TRIM23: variants seen among roughly 807,000 people sequenced by gnomAD.
TRIM23 encodes E3 ubiquitin-protein ligase TRIM23.
In TRIM23, 27 loss-of-function variants were observed where a neutral mutation model predicts 71.0. The ratio of observed to expected loss-of-function variants is 0.38; its 90% CI spans 0.28 to 0.52. TRIM23 has a LOEUF of 0.52. Among genes scored for constraint, TRIM23 ranks in the 20% least tolerant of loss-of-function variants. The pLI is 0.84. For synonymous variants in TRIM23, 234 were observed against 238.0 expected (o/e 0.98, Z 0.16); for missense variants, 482 against 692.3 (o/e 0.70, Z 3.41).
intron 1 of TRIM23, among the ~76,000 whole-genome samples, chr5:65,623,114 T>C (rs1754991385): frequency 6.6e-6 from 1 of 152,236 alleles, no homozygotes; most frequent in Non-Finnish European, 1.5e-5. Context: ...GATACTAAAT[T>C]GTGGGAAGAA....
chr5:65,602,545 C>CCTGCACATTTTTGGGTATCCTTTCAG lies in TRIM23; in HGVS notation c.1179+2340_1179+2365dup, dbSNP rs1172612223. The stretch of plus-strand genomic sequence containing the variant: ...TACCTGTTACCCAGTTCCAAAGTTG[C>CCTGCACATTTTTGGGTATCCTTTCAG]CTGCACATTTTTGGGTATCCTTTCA... On this transcript the variant is annotated intron_variant, in intron 7 of 10. Transcript: ENST00000231524. Among the ~76,000 whole-genome samples, 7 of 152,188 alleles carry CCTGCACATTTTTGGGTATCCTTTCAG rather than the reference C, an allele frequency of 4.6e-5. No individual in the cohort carries two copies. The East Asian group carries it at 1.3e-3, about 29-fold the overall frequency.
rs779001000 is a variant in TRIM23 at position 65,597,138 on chromosome 5, C to T, written c.1222G>A (p.Val408Ile). The T allele has an allele frequency of 3.7e-6, 6 of 1,614,114 alleles. No homozygotes were observed. Among genetic ancestry groups the T allele is most frequent in the South Asian group, 2.2e-5 (2 of 91,082 alleles). ...CCAGCACCATCCAATCCTAACGTAA[C>T]GACCCGAATTTCCATTTTTGGTCCA... is the stretch of plus-strand genomic sequence containing the variant. ...HIGPKMEIRV[V>I]TLGLDGAGKT... Residue 408 changes from valine to isoleucine, a missense_variant, in exon 8 of 11, where the codon GTT (valine) becomes ATT (isoleucine). Val to Ile is a conservative substitution (Grantham distance 29). Around this residue, in one of 2 missense-constraint regions of TRIM23, gnomAD observed 307 missense variants for 495.8 expected, o/e 0.62. Coordinates refer to ENST00000231524, the MANE Select transcript of TRIM23 (RefSeq NM_001656.4).
intron 6 of TRIM23, 147 bp from the exon 7 acceptor site, chr5:65,605,192 T>A: frequency 1.4e-6 from 1 of 732,622 alleles, no homozygotes; most frequent in South Asian, 2.4e-5. Flanking sequence ...AATTGAGCAT[T>A]AATAAATAAT....
chr5:65,597,840 T>C (rs955746232), intron 7 of TRIM23, among the ~76,000 whole-genome samples: 2 of 152,198 alleles, frequency 1.3e-5, no homozygotes, highest in Admixed American at 6.5e-5. Flanking sequence ...TATATATTAC[T>C]AGCTGCATGA....
chr5:65,606,858 A>G (rs1754521279), intron 6 of TRIM23: 1 of 152,238 alleles, frequency 6.6e-6, no homozygotes, highest in Non-Finnish European at 1.5e-5. Context: ...TTTCTAACAT[A>G]TAGTATAATT....
Position 65,610,873 on chromosome 5 carries a change from A to G in TRIM23, c.816T>C (p.Ala272=), listed in dbSNP as rs374310980. The change falls in exon 5 of 11, where the codon GCT becomes GCC. Residue 272 remains alanine (A), a synonymous_variant. Transcript: ENST00000231524. The part of the protein sequence containing the change: ...EQIVEDGIGM[A]HTEHVPGTAE... ...AAAAAATCCATACATGTTCTGTGTG[A>G]GCCATTCCAATTCCATCTTCCACGA... 3.4e-5 allele frequency: 54 copies of G among 1,607,346 alleles called. No individual in the cohort carries two copies. Among genetic ancestry groups the G allele is most frequent in the Non-Finnish European group, 4.5e-5 (53 of 1,177,978 alleles).
At position 65,614,169 on chromosome 5, in the gene TRIM23, A is replaced by G. The variant is rs1187183035; in HGVS notation, c.295T>C (p.Leu99=). The change falls in exon 3 of 11, where the codon TTG becomes CTG. Residue 99 remains leucine (L), a synonymous_variant. Transcript: ENST00000231524. ...LKKNFALLEL[L]ERLQNGPIGQ... is the part of the protein sequence containing the mutation. ...ATAGGCCCATTCTGCAGTCGTTCCA[A>G]AAGCTCCAATAAAGCAAAATTTTTT... is the stretch of plus-strand genomic sequence containing the variant. 1 of 1,613,978 alleles carries G rather than the reference A, an allele frequency of 6.2e-7. No homozygotes were observed. Among genetic ancestry groups the G allele is most frequent in the Non-Finnish European group, 8.5e-7 (1 of 1,180,006 alleles).
At chr5:65,624,151 A>G (rs1158980817) in intron 1 of TRIM23, 43 bp downstream of exon 1, 1 of 1,612,582 alleles carries the variant, frequency 6.2e-7, no homozygotes, top group Non-Finnish European at 8.5e-7. Context: ...GATGAACCGA[A>G]GGGAGGCCGA....
chr5:65,609,105 G>A, intron 6 of TRIM23, 138 bp downstream of exon 6: 3 of 815,666 alleles, frequency 3.7e-6, no homozygotes, highest in Non-Finnish European at 3.9e-6. Context: ...AATAATTCAA[G>A]GTTGCAGACC....
At chr5:65,596,993 G>T in intron 8 of TRIM23, 58 bp downstream of exon 8, 1 of 1,593,948 alleles carries the variant, frequency 6.3e-7, no homozygotes, top group South Asian at 1.1e-5. Flanking sequence ...AAGACCCCAA[G>T]AACTTGGCTG....
chr5:65,594,911 A>G (rs943774459), intron 9 of TRIM23, among the ~76,000 whole-genome samples: 4 of 152,210 alleles, frequency 2.6e-5, no homozygotes, highest in African/African-American at 9.7e-5. Context: ...ATTGGTCTGT[A>G]TATCAAATAA....
Position 65,590,836 on chromosome 5 carries a change from T to G in TRIM23, c.*933A>C, listed in dbSNP as rs989009899. The G allele has an allele frequency of 3.0e-5, 30 of 985,524 alleles. No homozygotes were observed. The African/African-American group carries it at 4.9e-4, about 16-fold the overall frequency. The allele number at this position is 985,524 out of a possible 1,614,324, so 61.0% of individuals were successfully genotyped here. A position where few individuals can be genotyped will look rare whatever the true frequency, so the allele number is the denominator to read the frequency against. On this transcript the variant is annotated 3_prime_UTR_variant, in exon 11 of 11. Transcript: ENST00000231524. ...TTTGCCACTGTACTTACAACTTCTC[T>G]TGAAGTTCGCTTTCTATTTAGGTCA...
rs1391579604 is a variant in TRIM23, at chr5:65,609,251, A to G, written c.1036T>C (p.Leu346=). ...ACATTTAAACTACCTACCTGCTGCA[A>G]AGTCTTTTCACAGTGGAGGCAGGCT... ...SAACLHCEKT[L]QQDDCRVVLA... Residue 346 remains leucine, a synonymous_variant, in exon 6 of 11, where the codon TTG becomes CTG. Coordinates refer to ENST00000231524, the MANE Select transcript of TRIM23 (RefSeq NM_001656.4). 2 of 1,614,166 alleles carry G rather than the reference A, an allele frequency of 1.2e-6. No individual in the cohort carries two copies.
intron 10 of TRIM23, among the ~76,000 whole-genome samples, chr5:65,593,956 T>G (rs1754119203): frequency 6.6e-6 from 1 of 152,172 alleles, no homozygotes; most frequent in South Asian, 2.1e-4. Context: ...TTTTGATGAC[T>G]CCTCCTTGCT....
At chr5:65,594,774 G>C in intron 9 of TRIM23, 129 bp from the exon 10 acceptor site, 3 of 866,482 alleles carry the variant, frequency 3.5e-6, no homozygotes, top group Non-Finnish European at 3.3e-6. Context: ...TTCACACAGA[G>C]GGTGCCTAGT....
Position 65,590,189 on chromosome 5 carries a change from TACA to T in TRIM23, c.*1577_*1579del, listed in dbSNP as rs1182899321. The T allele has an allele frequency of 2.7e-6, 2 of 741,148 alleles. No homozygotes were observed. Among genetic ancestry groups the T allele is most frequent in the African/African-American group, 3.6e-5 (2 of 55,210 alleles). 45.9% of individuals were successfully genotyped at this position (741,148 alleles called of 1,614,324 possible). ...AAACAGTTCAAGTTCTCACAAGCAA[TACA>T]ACACCTTTTTTATTTTTCACAGTTA... On this transcript the variant is annotated 3_prime_UTR_variant, in exon 11 of 11. Transcript: ENST00000231524.
At position 65,590,060 on chromosome 5, in the gene TRIM23, G is replaced by A. The variant is rs1753976898; in HGVS notation, c.*1709C>T. On this transcript the variant is annotated 3_prime_UTR_variant, in exon 11 of 11. Transcript: ENST00000231524. ...TATAATCAGGCACAATTTTTCAACT[G>A]TGTTCAGTTATATGCTAAGAATGTG... The A allele has an allele frequency of 2.8e-6, 1 of 363,106 alleles. No individual in the cohort carries two copies. The allele number at this position is 363,106 out of a possible 1,614,324, so 22.5% of individuals were successfully genotyped here. A position where few individuals can be genotyped will look rare whatever the true frequency, so the allele number is the denominator to read the frequency against.
intron 6 of TRIM23, 137 bp downstream of exon 6, chr5:65,609,106 G>C (rs1754582291): frequency 1.2e-6 from 1 of 826,418 alleles, no homozygotes; most frequent in Non-Finnish European, 1.9e-6. Flanking sequence ...ATAATTCAAG[G>C]TTGCAGACCA....
At chr5:65,592,092 GA>G in intron 10 of TRIM23, 144 bp from the exon 11 acceptor site, 1 of 743,922 alleles carries the variant, frequency 1.3e-6, no homozygotes, top group South Asian at 2.3e-5. Context: ...TAATTATTCT[GA>G]GATTAATAAG....
Sources: allele counts gnomAD v4.1 joint callset (sites outside exome capture counted in the v4.1 genomes callset), GRCh38; gene constraint gnomAD v4.1.1; regional missense constraint gnomAD v4.1.1; transcripts MANE v1.5; gene names NCBI Gene and HGNC (gene_info 2026-07-23, HGNC 2026-07-21).